The following TBX6 variants were observed in gnomAD, a reference collection of about 807,000 sequenced individuals.
TBX6 encodes the protein T-box transcription factor 6.
TBX6 carries 29 observed loss-of-function variants against 42.3 expected under a neutral mutation model. The ratio of observed to expected loss-of-function variants is 0.69; its 90% CI spans 0.51 to 0.93. TBX6 has a LOEUF of 0.93. TBX6 is among the 40% of genes least tolerant of loss of function. TBX6 has a pLI of 0.00. For synonymous variants in TBX6, 249 were observed against 245.1 expected, an observed-to-expected ratio of 1.02 and a Z score of -0.15; for missense variants, 569 against 603.3, an observed-to-expected ratio of 0.94 and a Z score of 0.59.
intron 3 of TBX6, among the ~76,000 whole-genome samples, chr16:30,089,822 C>T (rs1008720558): frequency 2.7e-5 from 4 of 149,574 alleles, no homozygotes; most frequent in African/African-American, 7.4e-5. Context: ...CCCAGCTACT[C>T]GGGAGGCTGA....
chr16:30,087,411 C>T (rs1173637841), intron 6 of TBX6, among the ~76,000 whole-genome samples: 4 of 152,080 alleles, frequency 2.6e-5, no homozygotes, highest in East Asian at 1.9e-4. Flanking sequence ...TCACTGCAAG[C>T]GCAAGTTCCT....
At chr16:30,091,350 G>A in intron 1 of TBX6, 109 bp from the exon 2 acceptor site, 1 of 635,884 alleles carries the variant, frequency 1.6e-6, no homozygotes, top group South Asian at 2.0e-5. Flanking sequence ...AGACCCCTGG[G>A]GCCTCGAAGG....
At chr16:30,089,251 C>G (rs773852403) in intron 3 of TBX6, 41 bp from the exon 4 acceptor site, 1 of 1,588,892 alleles carries the variant, frequency 6.3e-7, no homozygotes, top group South Asian at 1.1e-5. Context: ...GAGCTACCCA[C>G]TGGCCAGGGG....
At chr16:30,091,409 C>G in intron 1 of TBX6, 168 bp from the exon 2 acceptor site, 1 of 501,658 alleles carries the variant, frequency 2.0e-6, no homozygotes. Context: ...CCTCCCCTCC[C>G]TCCCCACCCC....
rs2072672442 is a variant in TBX6 at position 30,088,486 on chromosome 16, C to T, written c.839+59G>A. 1.2e-6 allele frequency: 2 copies of T among 1,610,860 alleles called. No homozygotes were observed. Among genetic ancestry groups the T allele is most frequent in the Admixed American group, 1.7e-5 (1 of 60,000 alleles). On this transcript the variant is annotated intron_variant, in intron 6 of 8. Transcript: ENST00000395224. This position sits in a 1 kb window ranked among gnomAD's most constrained non-coding sequence, Gnocchi z 4.1. Reference sequence around the variant, plus strand: ...GATGTCCAGCACGGTGCCTGGCACACAGTGAGTGATTAATAAACATTTGTT... The same window carrying T: ...GATGTCCAGCACGGTGCCTGGCACATAGTGAGTGATTAATAAACATTTGTT...
At position 30,091,091 on chromosome 16, in the gene TBX6, C is replaced by T. The variant is rs1222552434; in HGVS notation, c.103G>A (p.Gly35Ser). 1.3e-6 allele frequency: 2 copies of T among 1,584,110 alleles called. No homozygotes were observed. Among genetic ancestry groups the T allele is most frequent in the East Asian group, 4.6e-5 (2 of 43,902 alleles). ...DSSFPPALAEGYRYPELDTPK... is the reference protein window; with the variant it reads ...DSSFPPALAESYRYPELDTPK... ...CAACGCTCACCGGGGTAGCGGTAGC[C>T]CTCCGCTAGGGCGGGTGGGAAGCTG... Residue 35 changes from glycine (G) to serine (S), a missense_variant, in exon 2 of 9, where the codon GGC becomes AGC. Coordinates refer to ENST00000395224, the MANE Select transcript of TBX6 (RefSeq NM_004608.4).
Position 30,086,724 on chromosome 16 carries a change from T to C in TBX6, c.914-29A>G. 1 of 1,613,238 alleles carries C rather than the reference T, an allele frequency of 6.2e-7. No homozygotes were observed. Among genetic ancestry groups the C allele is most frequent in the Non-Finnish European group, 8.5e-7 (1 of 1,179,578 alleles). On this transcript the variant is annotated intron_variant, in intron 7 of 8. Transcript: ENST00000395224. This position sits in a 1 kb window ranked among gnomAD's most constrained non-coding sequence, Gnocchi z 4.6. ...GGGAGAGGGAAGGGAGAGGTTGGGC[T>C]AGGGAGGATCCCTGTCTCAGGCCTG...
rs1053749939 is a variant in TBX6 at position 30,090,410 on chromosome 16, A to G, written c.353+348T>C. Among the ~76,000 whole-genome samples the G allele has an allele frequency of 4.6e-5, 7 of 152,208 alleles. No individual in the cohort carries two copies. The East Asian group carries it at 5.8e-4, about 13-fold the overall frequency. ...GGCCAGATTTCCCTGATGCTGGTCA[A>G]TGGGCTGGCCCTTGACCCCCTGTCC... is the stretch of plus-strand genomic sequence containing the variant. On this transcript the variant is annotated intron_variant, in intron 3 of 8. Transcript: ENST00000395224.
Position 30,086,211 on chromosome 16 carries a change from G to A in TBX6, c.*14C>T, listed in dbSNP as rs1347930180. The A allele has an allele frequency of 1.2e-6, 2 of 1,609,638 alleles. No homozygotes were observed. Among genetic ancestry groups the A allele is most frequent in the Non-Finnish European group, 8.5e-7 (1 of 1,178,838 alleles). On this transcript the variant is annotated 3_prime_UTR_variant, in exon 9 of 9. Transcript: ENST00000395224. This position sits in a 1 kb window ranked among gnomAD's most constrained non-coding sequence, Gnocchi z 4.6. ...GGGAGGTTTGTGATGGAGGCAGAGGGGCCCAGCAGTGGTTCAGTACATGGG... is the reference window on the plus strand; with the variant it reads ...GGGAGGTTTGTGATGGAGGCAGAGGAGCCCAGCAGTGGTTCAGTACATGGG...
At chr16:30,087,858 C>T (rs1253470134) in intron 6 of TBX6, 1 of 142,388 alleles carries the variant, frequency 7.0e-6, no homozygotes, top group African/African-American at 2.6e-5. Flanking sequence ...TCCTTCCTAT[C>T]TTTTCCTGGT....
In TBX6 at chr16:30,088,353, T is replaced by G; in HGVS notation, c.839+192A>C. 3.9e-6 allele frequency: 3 copies of G among 770,392 alleles called. No individual in the cohort carries two copies. Among genetic ancestry groups the G allele is most frequent in the Non-Finnish European group, 4.2e-6 (2 of 473,994 alleles). The allele number at this position is 770,392 out of a possible 1,614,324, so 47.7% of individuals were successfully genotyped here. A position where few individuals can be genotyped will look rare whatever the true frequency, so the allele number is the denominator to read the frequency against. On this transcript the variant is annotated intron_variant, in intron 6 of 8. Coordinates refer to ENST00000395224, the MANE Select transcript of TBX6 (RefSeq NM_004608.4). The surrounding 1 kb of genome is among the most constrained non-coding windows in gnomAD (Gnocchi z 4.1). ...ATGAGGGCCGGGGCTTTGGTTTGCT[T>G]TGTTTGTTTTATCTCCAGTGCCTGG... is the stretch of plus-strand genomic sequence containing the variant.
At chr16:30,091,381 A>G in intron 1 of TBX6, 140 bp from the exon 2 acceptor site, 1 of 564,520 alleles carries the variant, frequency 1.8e-6, no homozygotes, top group East Asian at 3.1e-5. Flanking sequence ...GGGGTCGGAT[A>G]CCTGGGTACG....
chr16:30,087,768 C>T (rs1302588834), intron 6 of TBX6: 8 of 152,536 alleles, frequency 5.2e-5, no homozygotes, highest in Non-Finnish European at 1.0e-4. Context: ...GGCTCCCTCC[C>T]GTACTTCCTT....
rs761359356 is a variant in TBX6, at chr16:30,086,461, A to T, written c.1098-23T>A. On this transcript the variant is annotated intron_variant, in intron 8 of 8. Transcript: ENST00000395224. This position sits in a 1 kb window ranked among gnomAD's most constrained non-coding sequence, Gnocchi z 4.6. ...CTCCTGACATGGAGAGAGGGATGTCAGAGCAGGGCAGAGGGACCCGCAGCC... is the reference window on the plus strand; with the variant it reads ...CTCCTGACATGGAGAGAGGGATGTCTGAGCAGGGCAGAGGGACCCGCAGCC... 1 of 1,490,124 alleles carries T rather than the reference A, an allele frequency of 6.7e-7. No homozygotes were observed. Among genetic ancestry groups the T allele is most frequent in the Admixed American group, 2.7e-5 (1 of 36,538 alleles). The allele number at this position is 1,490,124 out of a possible 1,614,324, so 92.3% of individuals were successfully genotyped here. A position where few individuals can be genotyped will look rare whatever the true frequency, so the allele number is the denominator to read the frequency against.
At chr16:30,090,633 T>C in intron 3 of TBX6, 125 bp downstream of exon 3, 3 of 968,252 alleles carry the variant, frequency 3.1e-6, no homozygotes, top group Non-Finnish European at 4.5e-6. Flanking sequence ...CAGGCCATAG[T>C]CAGATTCTAG....
At position 30,088,515 on chromosome 16, in the gene TBX6, T is replaced by A; in HGVS notation, c.839+30A>T. ...GAGTGATTAATAAACATTTGTTGAA[T>A]GCATGAACAAATGAATGAACAACTC... On this transcript the variant is annotated intron_variant, in intron 6 of 8. Transcript: ENST00000395224. This position sits in a 1 kb window ranked among gnomAD's most constrained non-coding sequence, Gnocchi z 4.1. 1 of 1,613,550 alleles carries A rather than the reference T, an allele frequency of 6.2e-7. No individual in the cohort carries two copies. Among genetic ancestry groups the A allele is most frequent in the Non-Finnish European group, 8.5e-7 (1 of 1,179,444 alleles).
Position 30,085,968 on chromosome 16 carries a change from A to C in TBX6, c.*257T>G. 2.1e-6 allele frequency: 1 copy of C among 487,520 alleles called. No homozygotes were observed. The allele number at this position is 487,520 out of a possible 1,614,324, so 30.2% of individuals were successfully genotyped here. ...GGTCTGTGGCCCCATTTGGCCAGGC[A>C]GAGCCCCTTCCATTCACACGGAGGT... On this transcript the variant is annotated 3_prime_UTR_variant, in exon 9 of 9. Transcript: ENST00000395224.
intron 3 of TBX6, among the ~76,000 whole-genome samples, chr16:30,090,349 G>A (rs535872815): frequency 1.3e-4 from 20 of 152,106 alleles, no homozygotes; most frequent in Non-Finnish European, 2.8e-4. Flanking sequence ...GTCATATACT[G>A]ACTCCTATTC....
chr16:30,088,530 A>T lies in TBX6; in HGVS notation c.839+15T>A. 3.1e-6 allele frequency: 5 copies of T among 1,614,242 alleles called. No individual in the cohort carries two copies. Among genetic ancestry groups the T allele is most frequent in the Non-Finnish European group, 4.2e-6 (5 of 1,180,044 alleles). On this transcript the variant is annotated intron_variant, in intron 6 of 8. Coordinates refer to ENST00000395224, the MANE Select transcript of TBX6 (RefSeq NM_004608.4). The surrounding 1 kb of genome is among the most constrained non-coding windows in gnomAD (Gnocchi z 4.1). ...ATTTGTTGAATGCATGAACAAATGAATGAACAACTCCCACCTCTTACAGTT... is the reference window on the plus strand; with the variant it reads ...ATTTGTTGAATGCATGAACAAATGATTGAACAACTCCCACCTCTTACAGTT...
Sources: gnomAD v4.1 joint callset for allele counts (sites outside exome capture counted in the v4.1 genomes callset) on GRCh38, gnomAD v4.1.1 for gene constraint, Gnocchi (gnomAD v3.1) non-coding constraint, MANE v1.5 for transcripts, NCBI Gene and HGNC (gene_info 2026-07-23, HGNC 2026-07-21) for gene names.